GSG1L: variants seen among roughly 807,000 people sequenced by gnomAD.
GSG1L encodes the protein germ cell-specific gene 1-like protein.
A neutral mutation model predicts 42.1 loss-of-function variants in GSG1L; 24 were observed. The observed-to-expected ratio is 0.57, with a 90% confidence interval of 0.41 to 0.80. The LOEUF (loss-of-function observed/expected upper bound fraction) is 0.80. Among genes scored for constraint, GSG1L ranks in the 30% least tolerant of loss-of-function variants. GSG1L has a pLI of 0.00. For missense variants in GSG1L, 445 were observed against 472.2 expected (o/e 0.94, Z 0.53); for synonymous variants, 215 against 203.5 (o/e 1.06, Z -0.48).
At chr16:27,924,394 A>G (rs2084567628) in intron 2 of GSG1L, among the ~76,000 whole-genome samples, 1 of 152,218 alleles carries the variant, frequency 6.6e-6, no homozygotes, top group Non-Finnish European at 1.5e-5. Context: ...ACCCTAACAC[A>G]GCTATTATTT....
At chr16:27,929,822 G>A (rs932782126) in intron 2 of GSG1L, among the ~76,000 whole-genome samples, 4 of 152,106 alleles carry the variant, frequency 2.6e-5, no homozygotes, top group Admixed American at 6.6e-5. Flanking sequence ...CCAGCATGGC[G>A]TGAGCAAACC....
chr16:28,058,058 T>G (rs1017654185), intron 1 of GSG1L, among the ~76,000 whole-genome samples: 4 of 152,172 alleles, frequency 2.6e-5, no homozygotes, highest in African/African-American at 9.7e-5. Context: ...AACCCGGGGC[T>G]CGTGACTCCA....
At chr16:27,793,236 G>A (rs986991692) in intron 6 of GSG1L, among the ~76,000 whole-genome samples, 1 of 152,216 alleles carries the variant, frequency 6.6e-6, no homozygotes, top group African/African-American at 2.4e-5. Flanking sequence ...AAGAGTCAAA[G>A]AGGAAGATGG....
chr16:28,061,621 C>G (rs143394493), intron 1 of GSG1L, among the ~76,000 whole-genome samples: 2 of 152,164 alleles, frequency 1.3e-5, no homozygotes, highest in African/African-American at 4.8e-5. Context: ...CAAGACCAAC[C>G]GGGCTGGCCC....
At chr16:27,958,110 A>T (rs547435751) in intron 2 of GSG1L, among the ~76,000 whole-genome samples, 7 of 152,018 alleles carry the variant, frequency 4.6e-5, no homozygotes, top group Admixed American at 2.6e-4. Flanking sequence ...CATTCAAACT[A>T]TATCAGTCAC....
At chr16:27,876,753 G>A (rs12325651) in intron 3 of GSG1L, among the ~76,000 whole-genome samples, 31 of 152,148 alleles carry the variant, frequency 2.0e-4, no homozygotes, top group Admixed American at 7.2e-4. Context: ...CACCCACCCC[G>A]CAGGCCATAG....
intron 5 of GSG1L, among the ~76,000 whole-genome samples, chr16:27,826,319 C>A (rs563837228): frequency 1.3e-5 from 2 of 152,294 alleles, no homozygotes; most frequent in Admixed American, 1.3e-4. Flanking sequence ...CTGACTGAAA[C>A]CCTCCCAAGG....
chr16:27,981,542 T>C (rs1379007813), intron 1 of GSG1L, among the ~76,000 whole-genome samples: 1 of 152,212 alleles, frequency 6.6e-6, no homozygotes, highest in Non-Finnish European at 1.5e-5. Flanking sequence ...CCAGTTCAAC[T>C]GACGGGGCAG....
chr16:27,876,074 A>T (rs1222259290), intron 3 of GSG1L, among the ~76,000 whole-genome samples: 1 of 152,176 alleles, frequency 6.6e-6, no homozygotes, highest in Non-Finnish European at 1.5e-5. Context: ...TTACAAATAA[A>T]AGGATCTTTA....
At chr16:27,839,008 G>C (rs554570706) in intron 4 of GSG1L, among the ~76,000 whole-genome samples, 235 of 152,334 alleles carry the variant, frequency 1.5e-3, no homozygotes, top group Non-Finnish European at 2.6e-3. Context: ...TTGGGGCCCA[G>C]GCTCTGGTAG....
chr16:28,014,189 C>T (rs375723596), intron 1 of GSG1L, among the ~76,000 whole-genome samples: 1 of 152,198 alleles, frequency 6.6e-6, no homozygotes, highest in Non-Finnish European at 1.5e-5. Flanking sequence ...CTGCAAGAAT[C>T]AAGGAAGACT....
intron 3 of GSG1L, among the ~76,000 whole-genome samples, chr16:27,850,023 C>CCTTTT (rs2083490529): frequency 1.4e-5 from 1 of 70,068 alleles, no homozygotes; most frequent in Non-Finnish European, 2.4e-5. Flanking sequence ...TTTGAAATGC[C>CCTTTT]TTTTTTTTTT....
chr16:27,820,384 C>T (rs1354781188), intron 5 of GSG1L, among the ~76,000 whole-genome samples: 2 of 151,770 alleles, frequency 1.3e-5, no homozygotes, highest in Admixed American at 1.3e-4. Context: ...GAGAGCAATT[C>T]GGGAGGCAGG....
chr16:27,810,230 G>C (rs768855636), intron 5 of GSG1L, among the ~76,000 whole-genome samples: 15 of 152,174 alleles, frequency 9.9e-5, no homozygotes, highest in Non-Finnish European at 2.1e-4. Flanking sequence ...TATAATCCCA[G>C]TGCTTTGGGA....
rs59650383 is a variant in GSG1L at position 27,888,464 on chromosome 16, C to CTTTCTTTCTT, written c.398-3827_398-3826insAAGAAAGAAA. ...TCTTTCTTTCTTTCTTTCTTTCTTT[C>CTTTCTTTCTT]TCTCTCTCTCTCTCTTTCCTTTCTT... On this transcript the variant is annotated intron_variant, in intron 2 of 6. Coordinates refer to ENST00000447459, the MANE Select transcript of GSG1L (RefSeq NM_001109763.2). Among the ~76,000 whole-genome samples the CTTTCTTTCTT allele has an allele frequency of 8.7e-3, 95 of 10,976 alleles. 12 individuals carry two copies. Among genetic ancestry groups the CTTTCTTTCTT allele is most frequent in the Admixed American group, 0.014 (10 of 732 alleles). 7.2% of individuals were successfully genotyped at this position (10,976 alleles called of 152,430 possible). A position where few individuals can be genotyped will look rare whatever the true frequency, so the allele number is the denominator to read the frequency against.
chr16:27,957,947 G>A (rs1459017974), intron 2 of GSG1L, among the ~76,000 whole-genome samples: 3 of 152,176 alleles, frequency 2.0e-5, no homozygotes, highest in Non-Finnish European at 4.4e-5. Flanking sequence ...ACAAGCTCCA[G>A]TGTGAACTAA....
chr16:27,949,878 T>C (rs755591396), intron 2 of GSG1L, among the ~76,000 whole-genome samples: 13 of 152,184 alleles, frequency 8.5e-5, no homozygotes, highest in African/African-American at 2.2e-4. Context: ...TGAGCCGAGA[T>C]TGCGCCACTG....
At chr16:27,932,849 A>G (rs7193702) in intron 2 of GSG1L, among the ~76,000 whole-genome samples, 98,795 of 151,826 alleles carry the variant, frequency 0.65, 32,885 homozygotes, top group South Asian at 0.75. Flanking sequence ...CCATAAGAAT[A>G]TCCCCTGGTG....
intron 3 of GSG1L, among the ~76,000 whole-genome samples, chr16:27,862,048 G>A (rs957960529): frequency 1.3e-5 from 2 of 152,204 alleles, no homozygotes; most frequent in African/African-American, 4.8e-5. Flanking sequence ...TGCCAAGCCT[G>A]CCAAGCTGCC....
Sources: gnomAD v4.1 joint callset for allele counts (sites outside exome capture counted in the v4.1 genomes callset) on GRCh38, gnomAD v4.1.1 for gene constraint, MANE v1.5 for transcripts, NCBI Gene and HGNC (gene_info 2026-07-23, HGNC 2026-07-21) for gene names.